HIKESHI: variants seen among roughly 807,000 people sequenced by gnomAD.
HIKESHI encodes heat shock protein nuclear import factor hikeshi, also known as protein Hikeshi.
Under a neutral mutation model 25.7 loss-of-function variants are expected in HIKESHI, and 13 were observed. The observed-to-expected ratio is 0.51, with a 90% CI of 0.33 to 0.80. The LOEUF (loss-of-function observed/expected upper bound fraction) is 0.80. HIKESHI is among the 30% of genes least tolerant of loss of function. The pLI is 0.02. For synonymous variants in HIKESHI, 76 were observed against 78.7 expected (o/e 0.97, Z 0.18); for missense variants, 174 against 229.5 (o/e 0.76, Z 1.56).
intron 2 of HIKESHI, among the ~76,000 whole-genome samples, chr11:86,335,890 A>C (rs1006800793): frequency 6.6e-6 from 1 of 152,256 alleles, no homozygotes; most frequent in African/African-American, 2.4e-5. Context: ...TATGAAACAT[A>C]CAAAGAAACA....
Position 86,302,285 on chromosome 11 carries a change from CG to C in HIKESHI, c.-159del. The C allele has an allele frequency of 2.6e-6, 2 of 767,694 alleles. No individual in the cohort carries two copies. The highest frequency in any genetic ancestry group is 1.5e-5 in the South Asian group (1 of 65,132). 47.6% of individuals were successfully genotyped at this position (767,694 alleles called of 1,614,324 possible). A position where few individuals can be genotyped will look rare whatever the true frequency, so the allele number is the denominator to read the frequency against. On this transcript the variant is annotated 5_prime_UTR_variant, in exon 1 of 5. Transcript: ENST00000278483. ...CTTAGGAAGAGAAGGTCAGAGTTCG[CG>C]GGGGCAGAGGCATTCTTGCCGCTGG...
intron 3 of HIKESHI, among the ~76,000 whole-genome samples, chr11:86,340,856 G>A (rs2138424164): frequency 6.6e-6 from 1 of 152,224 alleles, no homozygotes; most frequent in Non-Finnish European, 1.5e-5. Flanking sequence ...TGTTGGTCAG[G>A]CTGGTCTTGA....
intron 3 of HIKESHI, 133 bp downstream of exon 3, chr11:86,337,663 A>G (rs1947607267): frequency 4.5e-6 from 5 of 1,116,788 alleles, no homozygotes; most frequent in Non-Finnish European, 6.2e-6. Flanking sequence ...GTTTTGTTTT[A>G]TTTTGTTTTT....
chr11:86,302,628 G>C (rs11606478), intron 1 of HIKESHI, 150 bp downstream of exon 1: 9,069 of 830,614 alleles, frequency 0.011, 69 homozygotes, highest in South Asian at 0.021. Flanking sequence ...GGGAAGCTGG[G>C]TGCTCTCCTT....
intron 4 of HIKESHI, chr11:86,345,093 G>T: frequency 9.2e-7 from 1 of 1,085,454 alleles, no homozygotes; most frequent in Non-Finnish European, 1.1e-6. Context: ...GTGTTTTATA[G>T]ATATTTCTTT....
chr11:86,316,772 T>C (rs929529828), intron 2 of HIKESHI, among the ~76,000 whole-genome samples: 15 of 7,330 alleles, frequency 2.0e-3, no homozygotes, highest in Non-Finnish European at 3.4e-3. Context: ...TGAAACATTC[T>C]TTTTTTTTTT....
chr11:86,345,555 A>G (rs769359144), intron 4 of HIKESHI, 29 bp from the exon 5 acceptor site: 2 of 1,338,978 alleles, frequency 1.5e-6, no homozygotes, highest in Non-Finnish European at 2.1e-6. Flanking sequence ...TTTTCTTGTG[A>G]ATGTAAATAT....
chr11:86,312,409 C>T (rs745485027), intron 2 of HIKESHI, among the ~76,000 whole-genome samples: 82 of 152,144 alleles, frequency 5.4e-4, no homozygotes, highest in Non-Finnish European at 8.5e-4. Context: ...TTTCCATTTG[C>T]TTGGTAGATC....
intron 2 of HIKESHI, among the ~76,000 whole-genome samples, chr11:86,311,351 G>C (rs1044643670): frequency 5.3e-5 from 8 of 152,198 alleles, no homozygotes; most frequent in Non-Finnish European, 8.8e-5. Context: ...TTTGCGTAGA[G>C]GTGTTTATAG....
intron 3 of HIKESHI, among the ~76,000 whole-genome samples, chr11:86,340,250 C>T (rs1157668142): frequency 6.6e-6 from 1 of 152,112 alleles, no homozygotes; most frequent in Non-Finnish European, 1.5e-5. Context: ...ATTTGTAATC[C>T]TTTGGGTATA....
At chr11:86,325,603 G>A (rs1947258925) in intron 2 of HIKESHI, among the ~76,000 whole-genome samples, 1 of 152,144 alleles carries the variant, frequency 6.6e-6, no homozygotes, top group South Asian at 2.1e-4. Context: ...GCCGGGTGTG[G>A]TGGCTCACAC....
intron 3 of HIKESHI, among the ~76,000 whole-genome samples, chr11:86,341,555 T>C (rs1593878013): frequency 6.6e-6 from 1 of 150,810 alleles, no homozygotes; most frequent in Non-Finnish European, 1.5e-5. Flanking sequence ...AACGCAGTGG[T>C]GCAATCACAG....
Position 86,337,359 on chromosome 11 carries a change from CAT to C in HIKESHI, c.269-17_269-16del. The C allele has an allele frequency of 6.2e-7, 1 of 1,606,198 alleles. No homozygotes were observed. The highest frequency in any genetic ancestry group is 8.5e-7 in the Non-Finnish European group (1 of 1,176,600). On this transcript the variant is annotated intron_variant, in intron 2 of 4. Transcript: ENST00000278483. ...TACAAGTTTAATTTGAAATGTGTGT[CAT>C]ATGTTAATTTCTTGCAGGAGAAGGA...
intron 2 of HIKESHI, chr11:86,323,875 A>G (rs1947208334): frequency 6.6e-6 from 1 of 152,342 alleles, no homozygotes; most frequent in Admixed American, 6.5e-5. Flanking sequence ...TTGTAGAGTT[A>G]AACAGTCTAA....
intron 2 of HIKESHI, among the ~76,000 whole-genome samples, chr11:86,306,831 C>G (rs1177881666): frequency 6.6e-6 from 1 of 150,838 alleles, no homozygotes; most frequent in Non-Finnish European, 1.5e-5. Context: ...ACCCTGTCTC[C>G]ACTAAAAAAT....
chr11:86,331,987 T>C (rs1406635815), intron 2 of HIKESHI, among the ~76,000 whole-genome samples: 1 of 150,562 alleles, frequency 6.6e-6, no homozygotes. Flanking sequence ...CTTTTCTTTT[T>C]TTTTTTTTTT....
chr11:86,302,309 T>C lies in HIKESHI; in HGVS notation c.-140T>C. The C allele has an allele frequency of 1.0e-6, 1 of 997,902 alleles. No homozygotes were observed. The highest frequency in any genetic ancestry group is 1.5e-6 in the Non-Finnish European group (1 of 657,994). 61.8% of individuals were successfully genotyped at this position (997,902 alleles called of 1,614,324 possible). ...GCGGGGGCAGAGGCATTCTTGCCGCTGGCCCAGTCACTATGTAGTGGAGGG... is the reference window on the plus strand; with the variant it reads ...GCGGGGGCAGAGGCATTCTTGCCGCCGGCCCAGTCACTATGTAGTGGAGGG... On this transcript the variant is annotated 5_prime_UTR_variant, in exon 1 of 5. Coordinates refer to ENST00000278483, the MANE Select transcript of HIKESHI (RefSeq NM_016401.4).
In HIKESHI at chr11:86,344,696, A is replaced by G; in HGVS notation, c.514A>G (p.Ile172Val). Residue 172 changes from isoleucine (I) to valine (V), a missense_variant, in exon 4 of 5, where the codon ATT becomes GTT. Coordinates refer to ENST00000278483, the MANE Select transcript of HIKESHI (RefSeq NM_016401.4). ...QMTPSPSEMF[I>V]PANVVLKWYE... ...GACACCAAGCCCATCTGAAATGTTC[A>G]TTCCGGCAAATGTGGTTCTGAAATG... 2 of 1,609,648 alleles carry G rather than the reference A, an allele frequency of 1.2e-6. No homozygotes were observed. The highest frequency in any genetic ancestry group is 1.7e-6 in the Non-Finnish European group (2 of 1,176,016).
chr11:86,336,172 A>G (rs973206094), intron 2 of HIKESHI, among the ~76,000 whole-genome samples: 8 of 152,208 alleles, frequency 5.3e-5, no homozygotes, highest in Non-Finnish European at 1.2e-4. Context: ...TCGAAGATAA[A>G]TTAATTGGAA....
Sources: gnomAD v4.1 joint callset for allele counts (sites outside exome capture counted in the v4.1 genomes callset) on GRCh38, gnomAD v4.1.1 for gene constraint, MANE v1.5 for transcripts, NCBI Gene and HGNC (gene_info 2026-07-23, HGNC 2026-07-21) for gene names.